FARS2: variants seen among roughly 807,000 people sequenced by gnomAD.
FARS2 encodes the protein phenylalanine--tRNA ligase, mitochondrial.
A neutral mutation model predicts 46.4 loss-of-function variants in FARS2; 40 were observed. That is an observed-to-expected ratio of 0.86 (90% CI 0.67 to 1.12). FARS2 has a LOEUF of 1.12. Among genes scored for constraint, FARS2 ranks in the 50% most tolerant of loss-of-function variants. The probability of loss-of-function intolerance (pLI) is 0.00; values close to 1 mark genes in which losing one functional copy is unlikely to be tolerated. For missense variants in FARS2, 513 were observed against 567.9 expected, an observed-to-expected ratio of 0.90 and a Z score of 0.98; for synonymous variants, 234 against 214.9, an observed-to-expected ratio of 1.09 and a Z score of -0.78.
chr6:5,501,258 A>G (rs985510190), intron 4 of FARS2, among the ~76,000 whole-genome samples: 1 of 152,108 alleles, frequency 6.6e-6, no homozygotes, highest in African/African-American at 2.4e-5. Flanking sequence ...AATAACACCT[A>G]TTTCAGAGAT....
At chr6:5,290,670 T>TC (rs1767439694) in intron 1 of FARS2, among the ~76,000 whole-genome samples, 1 of 152,230 alleles carries the variant, frequency 6.6e-6, no homozygotes, top group Admixed American at 6.5e-5. Flanking sequence ...TTCCCTTTTA[T>TC]CCCCCTGGGG....
intron 5 of FARS2, among the ~76,000 whole-genome samples, chr6:5,593,994 G>C (rs1230539493): frequency 6.6e-6 from 1 of 152,216 alleles, no homozygotes; most frequent in Non-Finnish European, 1.5e-5. Flanking sequence ...GGCACCTCCA[G>C]TCCTGTTCCA....
intron 1 of FARS2, among the ~76,000 whole-genome samples, chr6:5,344,792 C>CTTT (rs757967957): frequency 7.0e-6 from 1 of 143,638 alleles, no homozygotes; most frequent in African/African-American, 2.5e-5. Flanking sequence ...TTTCTTTTCT[C>CTTT]TTTTTTTTTT....
chr6:5,686,889 C>A (rs1363742789), intron 6 of FARS2, among the ~76,000 whole-genome samples: 1 of 152,158 alleles, frequency 6.6e-6, no homozygotes, highest in East Asian at 1.9e-4. Flanking sequence ...TTAATGATCG[C>A]TATTCTAACT....
At chr6:5,268,110 T>A (rs1182481669) in intron 1 of FARS2, among the ~76,000 whole-genome samples, 1 of 152,218 alleles carries the variant, frequency 6.6e-6, no homozygotes, top group Admixed American at 6.5e-5. Flanking sequence ...ATTAGCCCTT[T>A]GTCAGATGGA....
chr6:5,657,976 A>T (rs1016593911), intron 6 of FARS2, among the ~76,000 whole-genome samples: 1 of 152,198 alleles, frequency 6.6e-6, no homozygotes, highest in Non-Finnish European at 1.5e-5. Context: ...ATTGTTGTGA[A>T]GATTAGAAAT....
chr6:5,560,357 G>A (rs779465745), intron 5 of FARS2, among the ~76,000 whole-genome samples: 1 of 152,050 alleles, frequency 6.6e-6, no homozygotes, highest in Non-Finnish European at 1.5e-5. Flanking sequence ...TGTTAATCTT[G>A]TGACATTTAG....
chr6:5,536,031 A>G (rs1405931021), intron 4 of FARS2, among the ~76,000 whole-genome samples: 1 of 145,710 alleles, frequency 6.9e-6, no homozygotes, highest in Non-Finnish European at 1.5e-5. Context: ...TTTACTTTAA[A>G]CCTCTAGTTT....
intron 6 of FARS2, among the ~76,000 whole-genome samples, chr6:5,768,895 C>T (rs966848301): frequency 1.3e-5 from 2 of 152,096 alleles, no homozygotes; most frequent in African/African-American, 2.4e-5. Flanking sequence ...AGGTATATGA[C>T]TTGCAAATAT....
At chr6:5,298,956 T>C (rs1370257177) in intron 1 of FARS2, among the ~76,000 whole-genome samples, 1 of 152,144 alleles carries the variant, frequency 6.6e-6, no homozygotes, top group Non-Finnish European at 1.5e-5. Flanking sequence ...TCCTCACATA[T>C]GAAGGGAATT....
intron 5 of FARS2, among the ~76,000 whole-genome samples, chr6:5,606,453 T>C (rs766623639): frequency 1.4e-4 from 21 of 152,136 alleles, no homozygotes; most frequent in Non-Finnish European, 2.4e-4. Flanking sequence ...GTTTCAGACA[T>C]GTAAATACCG....
chr6:5,756,588 A>C (rs776048458), intron 6 of FARS2, among the ~76,000 whole-genome samples: 1 of 152,154 alleles, frequency 6.6e-6, no homozygotes, highest in Non-Finnish European at 1.5e-5. Context: ...GCAAGGGAGA[A>C]ATTTTTTCCC....
chr6:5,752,572 A>C (rs1762008291), intron 6 of FARS2, among the ~76,000 whole-genome samples: 2 of 152,340 alleles, frequency 1.3e-5, no homozygotes, highest in South Asian at 4.1e-4. Context: ...TGCTAACAGC[A>C]AGGATCACTG....
intron 1 of FARS2, among the ~76,000 whole-genome samples, chr6:5,356,870 A>T (rs1757965516): frequency 6.6e-6 from 1 of 152,164 alleles, no homozygotes; most frequent in Non-Finnish European, 1.5e-5. Context: ...TGCAATTTCA[A>T]CTAAATGATT....
rs1043926881 is a variant in FARS2 at position 5,485,997 on chromosome 6, C to G, written c.904+54825C>G. Among the ~76,000 whole-genome samples, 22 of 152,352 alleles carry G rather than the reference C, an allele frequency of 1.4e-4. 1 individual carries two copies. The highest frequency in any genetic ancestry group is 8.5e-4 in the Admixed American group (13 of 15,308). ...AATTAGGTGGAATCCAACTTTGCCACTGCTAACCTTGGGGACTTAGACTAG... is the reference window on the plus strand; with the variant it reads ...AATTAGGTGGAATCCAACTTTGCCAGTGCTAACCTTGGGGACTTAGACTAG... On this transcript the variant is annotated intron_variant, in intron 4 of 6. Transcript: ENST00000274680.
At chr6:5,451,996 C>G (rs1449929816) in intron 4 of FARS2, 1 of 152,238 alleles carries the variant, frequency 6.6e-6, no homozygotes, top group Non-Finnish European at 1.5e-5. Context: ...CTAAACTTAT[C>G]CTTTTCTTCC....
At chr6:5,394,101 G>A (rs1223075343) in intron 2 of FARS2, among the ~76,000 whole-genome samples, 1 of 152,208 alleles carries the variant, frequency 6.6e-6, no homozygotes, top group Non-Finnish European at 1.5e-5. Context: ...TCAAAGAGGG[G>A]ACTATTTAAG....
At chr6:5,731,242 A>G (rs1760604425) in intron 6 of FARS2, among the ~76,000 whole-genome samples, 1 of 152,188 alleles carries the variant, frequency 6.6e-6, no homozygotes. Context: ...CACTCAGAGG[A>G]AGACAAGCCC....
At chr6:5,510,812 G>A (rs2150402336) in intron 4 of FARS2, among the ~76,000 whole-genome samples, 1 of 151,446 alleles carries the variant, frequency 6.6e-6, no homozygotes, top group Middle Eastern at 3.4e-3. Flanking sequence ...CAGAGGAGAT[G>A]ACCTCAGGAA....
Sources: gnomAD v4.1 joint callset for allele counts (sites outside exome capture counted in the v4.1 genomes callset) on GRCh38, gnomAD v4.1.1 for gene constraint, MANE v1.5 for transcripts, NCBI Gene and HGNC (gene_info 2026-07-23, HGNC 2026-07-21) for gene names.